Variants in SPHKAP observed in about 807,000 individuals in gnomAD.
SPHKAP encodes the protein SPHK1 interactor, AKAP domain containing.
SPHKAP carries 67 observed loss-of-function variants against 137.5 expected under a neutral mutation model. The observed-to-expected ratio is 0.49, with a 90% CI of 0.40 to 0.60. SPHKAP has a LOEUF of 0.60. SPHKAP is among the 20% of genes least tolerant of loss of function. The pLI is 0.00. For missense variants in SPHKAP, 2,097 were observed against 2,069.3 expected (o/e 1.01, Z -0.26); for synonymous variants, 813 against 785.3 (o/e 1.04, Z -0.59).
chr2:228,146,038 T>G (rs776959453), intron 1 of SPHKAP, among the ~76,000 whole-genome samples: 2 of 152,186 alleles, frequency 1.3e-5, no homozygotes, highest in Admixed American at 6.5e-5. Context: ...CCCCTCAGAT[T>G]TTTTTGCTTT....
Position 228,067,016 on chromosome 2 carries a change from C to T in SPHKAP, c.247-39473G>A, listed in dbSNP as rs1251328950. On this transcript the variant is annotated intron_variant, in intron 3 of 11. Transcript: ENST00000392056. ...AAACAGATCCAGAATTGTCTTTCCT[C>T]ACCTAGTTTGAAAATTCAGCTCCAC... 3.4e-4 allele frequency among the ~76,000 whole-genome samples: 51 copies of T among 152,198 alleles called. 2 individuals carry two copies. Among genetic ancestry groups the T allele is most frequent in the Admixed American group, 3.3e-3 (51 of 15,284 alleles).
chr2:228,032,427 G>A lies in SPHKAP; in HGVS notation c.247-4884C>T, dbSNP rs1453903443. Among the ~76,000 whole-genome samples the A allele has an allele frequency of 4.6e-5, 7 of 152,268 alleles. No homozygotes were observed. The East Asian group carries it at 1.4e-3, about 29-fold the overall frequency. On this transcript the variant is annotated intron_variant, in intron 3 of 11. Transcript: ENST00000392056. ...TGATTGCTGTACCTGAAACTGACGG[G>A]GAGAATGGAACCAAGTTGGAAAACA...
intron 3 of SPHKAP, among the ~76,000 whole-genome samples, chr2:228,040,961 T>G (rs1031835869): frequency 1.3e-5 from 2 of 152,178 alleles, no homozygotes; most frequent in African/African-American, 4.8e-5. Context: ...CCTAAGTAAT[T>G]ATGTGGACTA....
At chr2:228,135,640 G>GT (rs1004255697) in intron 1 of SPHKAP, among the ~76,000 whole-genome samples, 7 of 151,710 alleles carry the variant, frequency 4.6e-5, no homozygotes, top group East Asian at 1.9e-4. Context: ...GAATTAGAAA[G>GT]TTTTTTTTTG....
chr2:228,077,910 G>A (rs942633317), intron 3 of SPHKAP, among the ~76,000 whole-genome samples: 2 of 152,196 alleles, frequency 1.3e-5, no homozygotes, highest in African/African-American at 2.4e-5. Flanking sequence ...CCCAGTGGGA[G>A]GTGATTGAAT....
chr2:227,998,049 C>G (rs1270352688), intron 7 of SPHKAP, among the ~76,000 whole-genome samples: 1 of 152,152 alleles, frequency 6.6e-6, no homozygotes, highest in African/African-American at 2.4e-5. Context: ...CTTTGATGCC[C>G]AGGCTGAAGT....
intron 3 of SPHKAP, among the ~76,000 whole-genome samples, chr2:228,067,335 G>T (rs527706649): frequency 6.6e-6 from 1 of 152,134 alleles, no homozygotes; most frequent in African/African-American, 2.4e-5. Context: ...ATTATGCAAT[G>T]AAAGAAAACT....
chr2:228,096,539 CG>C (rs1487109040), intron 3 of SPHKAP, among the ~76,000 whole-genome samples: 1 of 151,988 alleles, frequency 6.6e-6, no homozygotes, highest in African/African-American at 2.4e-5. Flanking sequence ...CTGCATCCCA[CG>C]AGTACTCTAT....
intron 7 of SPHKAP, 133 bp downstream of exon 7, chr2:228,016,269 ATTTT>A (rs370982894): frequency 2.6e-5 from 31 of 1,178,888 alleles, no homozygotes; most frequent in Admixed American, 9.1e-5. Context: ...TCATTAACTC[ATTTT>A]TTTTTTTTTT....
chr2:228,063,170 ATCTATCTGTCTGTCTG>A (rs1373607551), intron 3 of SPHKAP, among the ~76,000 whole-genome samples: 3 of 139,354 alleles, frequency 2.2e-5, no homozygotes, highest in African/African-American at 9.3e-5. Context: ...CTATCTATCT[ATCTATCTGTCTGTCTG>A]TCTGTCTGTC....
rs749321237 is a variant in SPHKAP, at chr2:227,991,085, C to T, written c.4874G>A (p.Arg1625Gln). The T allele has an allele frequency of 1.4e-5, 23 of 1,613,976 alleles. No homozygotes were observed. The highest frequency in any genetic ancestry group is 2.2e-5 in the East Asian group (1 of 44,862). The change falls in exon 11 of 12, where the codon CGA (arginine) becomes CAA (glutamine). Residue 1625 changes from arginine to glutamine, a missense_variant. Coordinates refer to ENST00000392056, the MANE Select transcript of SPHKAP (RefSeq NM_001142644.2). ...LEPECPDAELRATLQWIAASE... is the reference protein window; with the variant it reads ...LEPECPDAELQATLQWIAASE... ...GGCAGCTATCCACTGCAGAGTGGCTCGGAGCTCGGCATCTGGACACTCTGG... is the reference window on the plus strand; with the variant it reads ...GGCAGCTATCCACTGCAGAGTGGCTTGGAGCTCGGCATCTGGACACTCTGG...
chr2:228,072,302 A>G (rs1000858700), intron 3 of SPHKAP, among the ~76,000 whole-genome samples: 2 of 152,184 alleles, frequency 1.3e-5, no homozygotes, highest in Admixed American at 6.5e-5. Flanking sequence ...ATAAGCAGTT[A>G]TCTATAATTG....
intron 3 of SPHKAP, among the ~76,000 whole-genome samples, chr2:228,078,690 G>A (rs567110507): frequency 1.3e-5 from 2 of 152,256 alleles, no homozygotes; most frequent in Non-Finnish European, 2.9e-5. Context: ...TCCCCATGTA[G>A]CAGAGAAATA....
rs1008484560 is a variant in SPHKAP, at chr2:228,027,490, C to T, written c.300G>A (p.Leu100=). The T allele has an allele frequency of 4.3e-6, 7 of 1,613,790 alleles. No homozygotes were observed. Among genetic ancestry groups the T allele is most frequent in the Admixed American group, 1.7e-5 (1 of 59,984 alleles). The change falls in exon 4 of 12, where the codon CTG becomes CTA. Residue 100 remains leucine (L), a synonymous_variant. Coordinates refer to ENST00000392056, the MANE Select transcript of SPHKAP (RefSeq NM_001142644.2). ...VNKDECSTEH[L]QQKLVNVSPD... ...CTTGAGTTTCAAATGTTACCTGTTG[C>T]AGGTGCTCTGTGCTGCATTCATCCT...
chr2:228,165,205 A>C (rs1446777607), intron 1 of SPHKAP, among the ~76,000 whole-genome samples: 1 of 151,990 alleles, frequency 6.6e-6, no homozygotes, highest in Non-Finnish European at 1.5e-5. Flanking sequence ...TACAGGGGTC[A>C]ATGAGTGACT....
intron 7 of SPHKAP, among the ~76,000 whole-genome samples, chr2:228,010,461 G>GGCAGAGATTGCAGTGA (rs1444372721): frequency 1.3e-5 from 2 of 152,146 alleles, no homozygotes; most frequent in Non-Finnish European, 2.9e-5. Flanking sequence ...GCAGCTGGGA[G>GGCAGAGATTGCAGTGA]GCAGAGATTG....
rs553600575 is a variant in SPHKAP at position 228,018,823 on chromosome 2, C to A, written c.2031G>T (p.Arg677Ser). Reference protein sequence around the residue: ...LAHTLSNVILRHSIDEVHHKN... With the variant: ...LAHTLSNVILSHSIDEVHHKN... Reference sequence around the variant, plus strand: ...TGTGGTGAACTTCATCAATGGAATGCCTCAGGATAACATTGGACAGGGTAT... The same window carrying A: ...TGTGGTGAACTTCATCAATGGAATGACTCAGGATAACATTGGACAGGGTAT... Residue 677 changes from arginine to serine, a missense_variant, in exon 7 of 12, where the codon AGG (arginine) becomes AGT (serine). Physicochemically the swap from Arg to Ser is moderately radical, Grantham distance 110. Coordinates refer to ENST00000392056, the MANE Select transcript of SPHKAP (RefSeq NM_001142644.2). The A allele has an allele frequency of 8.7e-6, 14 of 1,614,078 alleles. No homozygotes were observed. Among genetic ancestry groups the A allele is most frequent in the Non-Finnish European group, 1.2e-5 (14 of 1,180,040 alleles).
chr2:228,048,645 A>G (rs1381779728), intron 3 of SPHKAP, among the ~76,000 whole-genome samples: 1 of 152,108 alleles, frequency 6.6e-6, no homozygotes, highest in Non-Finnish European at 1.5e-5. Context: ...CCATTGTGTT[A>G]CAATTGCCAA....
Position 228,017,649 on chromosome 2 carries a change from A to C in SPHKAP, c.3205T>G (p.Leu1069Val). The C allele has an allele frequency of 6.2e-7, 1 of 1,613,866 alleles. No individual in the cohort carries two copies. The highest frequency in any genetic ancestry group is 8.5e-7 in the Non-Finnish European group (1 of 1,180,006). ...WQAQGYPRNRLLSGDRWSRLK... is the reference protein window; with the variant it reads ...WQAQGYPRNRVLSGDRWSRLK... ...CGGCTCCACCTGTCGCCACTCAGTA[A>C]CCGATTCCGGGGATAGCCCTGCGCC... is the stretch of plus-strand genomic sequence containing the variant. The change falls in exon 7 of 12, where the codon TTA becomes GTA. Residue 1069 changes from leucine (L) to valine (V), a missense_variant. By Grantham distance (32) the Leu-to-Val change is conservative. Transcript: ENST00000392056.
Sources: allele counts gnomAD v4.1 joint callset (sites outside exome capture counted in the v4.1 genomes callset), GRCh38; gene constraint gnomAD v4.1.1; transcripts MANE v1.5; gene names NCBI Gene and HGNC (gene_info 2026-07-23, HGNC 2026-07-21).